CRAMP1: variants seen among roughly 807,000 people sequenced by gnomAD.
CRAMP1 encodes the protein protein cramped-like.
In CRAMP1, 50 loss-of-function variants were observed where a neutral mutation model predicts 115.4. The observed-to-expected ratio is 0.43, with a 90% confidence interval of 0.35 to 0.55. The LOEUF (loss-of-function observed/expected upper bound fraction) is 0.55. Ranked by LOEUF, CRAMP1 falls within the 20% of genes least tolerant of loss-of-function variation. The pLI, the probability that CRAMP1 is intolerant of heterozygous loss-of-function variation, is 0.01. For synonymous variants in CRAMP1, 866 were observed against 745.4 expected (o/e 1.16, Z -2.64); for missense variants, 1,679 against 1,721.7 (o/e 0.98, Z 0.44).
intron 4 of CRAMP1, among the ~76,000 whole-genome samples, chr16:1,635,812 C>T (rs1596486412): frequency 6.6e-6 from 1 of 152,152 alleles, no homozygotes; most frequent in East Asian, 1.9e-4. Flanking sequence ...AACCCTGTGC[C>T]CCGGTGCTGG....
intron 13 of CRAMP1, among the ~76,000 whole-genome samples, chr16:1,663,798 A>G (rs941585086): frequency 1.3e-5 from 2 of 152,254 alleles, no homozygotes; most frequent in Non-Finnish European, 2.9e-5. Flanking sequence ...TGTTCTGGGC[A>G]TTTCCTATAA....
In CRAMP1 at chr16:1,669,254, T is replaced by C; in HGVS notation, c.3499+89T>C. On this transcript the variant is annotated intron_variant, in intron 19 of 20. Coordinates refer to ENST00000397412, the MANE Select transcript of CRAMP1 (RefSeq NM_020825.4). This position sits in a 1 kb window ranked among gnomAD's most constrained non-coding sequence, Gnocchi z 4.6. Reference sequence around the variant, plus strand: ...CACTGGATTCTCATTCTACTCAAACTCCCACTAGGACTGTTGGCTTGTTCG... The same window carrying C: ...CACTGGATTCTCATTCTACTCAAACCCCCACTAGGACTGTTGGCTTGTTCG... 9.7e-7 allele frequency: 1 copy of C among 1,030,694 alleles called. No individual in the cohort carries two copies. The highest frequency in any genetic ancestry group is 3.2e-5 in the Admixed American group (1 of 31,618). 63.8% of individuals were successfully genotyped at this position (1,030,694 alleles called of 1,614,324 possible).
rs1018991461 is a variant in CRAMP1 at position 1,666,491 on chromosome 16, A to G, written c.2927A>G (p.Glu976Gly). 2 of 1,613,644 alleles carry G rather than the reference A, an allele frequency of 1.2e-6. No individual in the cohort carries two copies. The highest frequency in any genetic ancestry group is 1.3e-5 in the African/African-American group (1 of 74,826). ...AACCCCCTCCCTGCCTTGGACACCG[A>G]GGGCTTGTCTGGCATCTCTCCACTG... Reference protein sequence around the residue: ...SGNPLPALDTEGLSGISPLSS... With the variant: ...SGNPLPALDTGGLSGISPLSS... The change falls in exon 16 of 21, where the codon GAG becomes GGG. Residue 976 changes from glutamate (E) to glycine (G), a missense_variant. By Grantham distance (98) the Glu-to-Gly change is moderately conservative. This residue lies in a region of CRAMP1 where 709 missense variants were observed against 741.9 expected (regional missense o/e 0.96). Transcript: ENST00000397412. The surrounding 1 kb of genome is among the most constrained non-coding windows in gnomAD (Gnocchi z 5.0).
rs1218124113 is a variant in CRAMP1 at position 1,614,467 on chromosome 16, C to T, written c.-1-172C>T. The stretch of plus-strand genomic sequence containing the variant: ...TGGTGGGCAGGGCCGGGGGCGGCGG[C>T]GTGGGGGCGGCAGGGGCCGCGGCGG... On this transcript the variant is annotated intron_variant, in intron 1 of 20. Transcript: ENST00000397412. This position sits in a 1 kb window ranked among gnomAD's most constrained non-coding sequence, Gnocchi z 4.4. Among the ~76,000 whole-genome samples, 2 of 130,728 alleles carry T rather than the reference C, an allele frequency of 1.5e-5. No individual in the cohort carries two copies. The highest frequency in any genetic ancestry group is 2.5e-4 in the East Asian group (1 of 3,956). The allele number at this position is 130,728 out of a possible 152,430, so 85.8% of individuals were successfully genotyped here.
At chr16:1,650,578 C>G (rs2036714153) in intron 6 of CRAMP1, among the ~76,000 whole-genome samples, 1 of 152,194 alleles carries the variant, frequency 6.6e-6, no homozygotes, top group South Asian at 2.1e-4. Context: ...TCATGTGTGT[C>G]TTTCTGAATT....
chr16:1,657,094 C>A, intron 10 of CRAMP1, 102 bp downstream of exon 10: 1 of 1,089,916 alleles, frequency 9.2e-7, no homozygotes, highest in Non-Finnish European at 1.3e-6. Context: ...GGTTGGGGTC[C>A]AGATGAGAGA....
At chr16:1,633,997 C>T (rs2142179848) in intron 4 of CRAMP1, among the ~76,000 whole-genome samples, 1 of 151,556 alleles carries the variant, frequency 6.6e-6, no homozygotes, top group African/African-American at 2.4e-5. Context: ...CACTGCACTC[C>T]AGCTTGGCCA....
chr16:1,624,440 G>T (rs8059367), intron 2 of CRAMP1, among the ~76,000 whole-genome samples: 14,193 of 151,474 alleles, frequency 0.094, 808 homozygotes, highest in African/African-American at 0.15. Flanking sequence ...TGGAGACAGG[G>T]TCTCGCTCTG....
At chr16:1,622,039 C>G (rs1484251973) in intron 2 of CRAMP1, among the ~76,000 whole-genome samples, 1 of 152,206 alleles carries the variant, frequency 6.6e-6, no homozygotes, top group Admixed American at 6.5e-5. Flanking sequence ...TGGCCTCACA[C>G]AGGCTGTCAT....
intron 4 of CRAMP1, among the ~76,000 whole-genome samples, chr16:1,636,609 A>T (rs2036590436): frequency 6.6e-6 from 1 of 152,206 alleles, no homozygotes; most frequent in African/African-American, 2.4e-5. Flanking sequence ...TAGAGGGGAC[A>T]AATGGCCTTC....
At position 1,638,583 on chromosome 16, in the gene CRAMP1, C is replaced by T. The variant is rs577067285; in HGVS notation, c.778+676C>T. On this transcript the variant is annotated intron_variant, in intron 5 of 20. Coordinates refer to ENST00000397412, the MANE Select transcript of CRAMP1 (RefSeq NM_020825.4). ...GTAGGGACATTGTAGACTTACCAGG[C>T]GCTTGTGCCCAGCGCCCCTCAGCCC... Among the ~76,000 whole-genome samples the T allele has an allele frequency of 3.9e-5, 6 of 152,332 alleles. No individual in the cohort carries two copies. In the East Asian group the frequency reaches 9.6e-4, roughly 24 times the overall value.
intron 6 of CRAMP1, among the ~76,000 whole-genome samples, chr16:1,647,933 C>T (rs1201453318): frequency 1.3e-5 from 2 of 151,966 alleles, no homozygotes; most frequent in Admixed American, 6.6e-5. Context: ...TATGGACCCA[C>T]GTCCCGGAAC....
At chr16:1,662,935 G>A in intron 13 of CRAMP1, 100 bp downstream of exon 13, 1 of 909,676 alleles carries the variant, frequency 1.1e-6, no homozygotes, top group Non-Finnish European at 1.7e-6. Context: ...TAAAATGTGG[G>A]AAATTCCTGC....
intron 13 of CRAMP1, among the ~76,000 whole-genome samples, chr16:1,664,726 C>T (rs2036859125): frequency 6.6e-6 from 1 of 151,762 alleles, no homozygotes; most frequent in South Asian, 2.1e-4. Context: ...TTTCAGTGAG[C>T]CGAAATTGCA....
chr16:1,621,913 A>G (rs2036468711), intron 2 of CRAMP1, among the ~76,000 whole-genome samples: 1 of 152,080 alleles, frequency 6.6e-6, no homozygotes, highest in Non-Finnish European at 1.5e-5. Context: ...TTTTGTTTAC[A>G]TCATCTTACC....
Position 1,659,949 on chromosome 16 carries a change from A to G in CRAMP1, c.2299A>G (p.Thr767Ala), listed in dbSNP as rs764647937. ...VRPAQEEQSMTPPGKVVTVSS... is the reference protein window; with the variant it reads ...VRPAQEEQSMAPPGKVVTVSS... ...GCCCGCCCAGGAGGAGCAGTCGATG[A>G]CGCCCCCAGGGAAGGTGGTGACCGT... The change falls in exon 11 of 21, where the codon ACG becomes GCG. Residue 767 changes from threonine to alanine, a missense_variant. Thr to Ala is a moderately conservative substitution (Grantham distance 58). Transcript: ENST00000397412. 2 of 1,611,520 alleles carry G rather than the reference A, an allele frequency of 1.2e-6. No homozygotes were observed. The highest frequency in any genetic ancestry group is 1.7e-6 in the Non-Finnish European group (2 of 1,179,840).
chr16:1,642,168 T>C (rs2036637911), intron 6 of CRAMP1, among the ~76,000 whole-genome samples: 1 of 152,160 alleles, frequency 6.6e-6, no homozygotes, highest in African/African-American at 2.4e-5. Context: ...TTGCAGCCAC[T>C]CCTGAACAGT....
intron 6 of CRAMP1, among the ~76,000 whole-genome samples, chr16:1,646,883 T>C (rs2036679707): frequency 6.6e-6 from 1 of 152,264 alleles, no homozygotes. Context: ...GGTGTCAAGC[T>C]GTGCCATCTG....
intron 4 of CRAMP1, among the ~76,000 whole-genome samples, chr16:1,634,711 A>G (rs2036573208): frequency 1.3e-5 from 2 of 152,290 alleles, no homozygotes; most frequent in South Asian, 4.2e-4. Flanking sequence ...TCTCTTCAGC[A>G]GGGCTGTCTG....
Sources: allele counts gnomAD v4.1 joint callset (sites outside exome capture counted in the v4.1 genomes callset), GRCh38; gene constraint gnomAD v4.1.1; regional missense constraint gnomAD v4.1.1; non-coding constraint Gnocchi (gnomAD v3.1); transcripts MANE v1.5; gene names NCBI Gene and HGNC (gene_info 2026-07-23, HGNC 2026-07-21).